ZNF496: variants seen among roughly 807,000 people sequenced by gnomAD.
ZNF496 encodes NSD1 (nuclear receptor binding SET-domain containing 1)-interacting zinc finger protein 1.
Under a neutral mutation model 58.9 loss-of-function variants are expected in ZNF496, and 11 were observed. That is an observed-to-expected ratio of 0.19 (90% CI 0.12 to 0.31). The LOEUF (loss-of-function observed/expected upper bound fraction) is 0.31. Ranked by LOEUF, ZNF496 falls within the 10% of genes least tolerant of loss-of-function variation. ZNF496 has a pLI of 1.00. For synonymous variants in ZNF496, 338 were observed against 318.2 expected (o/e 1.06, Z -0.66); for missense variants, 660 against 783.0 (o/e 0.84, Z 1.88).
At chr1:247,313,632 C>G (rs1659679367) in intron 6 of ZNF496, 1 of 152,296 alleles carries the variant, frequency 6.6e-6, no homozygotes, top group East Asian at 1.9e-4. Flanking sequence ...TGCACGTTAC[C>G]AACATGCCCA....
intron 6 of ZNF496, among the ~76,000 whole-genome samples, chr1:247,314,215 C>T (rs535834052): frequency 3.3e-5 from 5 of 152,096 alleles, no homozygotes; most frequent in African/African-American, 9.6e-5. Flanking sequence ...TGAGCCACCA[C>T]GCCTGGCTAA....
At position 247,309,838 on chromosome 1, in the gene ZNF496, A is replaced by G; in HGVS notation, c.785-32T>C. ...AAAGAAAAAGGCAGGGTACATGTTT[A>G]TTAGTAATCTGATCCTGCAGCAACC... On this transcript the variant is annotated intron_variant, in intron 7 of 9. Coordinates refer to ENST00000682384, the MANE Select transcript of ZNF496 (RefSeq NM_032752.3). The surrounding 1 kb of genome is among the most constrained non-coding windows in gnomAD (Gnocchi z 4.3). The G allele has an allele frequency of 1.9e-6, 3 of 1,610,442 alleles. No homozygotes were observed. Among genetic ancestry groups the G allele is most frequent in the South Asian group, 1.1e-5 (1 of 90,780 alleles).
At position 247,300,609 on chromosome 1, in the gene ZNF496, G is replaced by C. The variant is rs748532296; in HGVS notation, c.1674C>G (p.Cys558Trp). ...DKARPFQCRY[C>W]VKSFTQNYDL... ...CATAGTTCTGCGTGAAGCTCTTGAC[G>C]CAGTACCGGCACTGGAAGGGCCGGG... Residue 558 changes from cysteine (C) to tryptophan (W), a missense_variant, in exon 10 of 10, where the codon TGC (cysteine) becomes TGG (tryptophan). Coordinates refer to ENST00000682384, the MANE Select transcript of ZNF496 (RefSeq NM_032752.3). This position sits in a 1 kb window ranked among gnomAD's most constrained non-coding sequence, Gnocchi z 5.7. 6.2e-7 allele frequency: 1 copy of C among 1,614,148 alleles called. No homozygotes were observed. Among genetic ancestry groups the C allele is most frequent in the Non-Finnish European group, 8.5e-7 (1 of 1,180,038 alleles).
At position 247,309,946 on chromosome 1, in the gene ZNF496, TGGCAGTGCAGG is replaced by T; in HGVS notation, c.785-151_785-141del. ...GGGCGAGAAGTGAAAAGGCCAGAGC[TGGCAGTGCAGG>T]GGCAGTGGGGGCAGCACACGCAGGG... On this transcript the variant is annotated intron_variant, in intron 7 of 9. Transcript: ENST00000682384. This position sits in a 1 kb window ranked among gnomAD's most constrained non-coding sequence, Gnocchi z 4.3. 1.5e-6 allele frequency: 2 copies of T among 1,332,156 alleles called. No homozygotes were observed. The highest frequency in any genetic ancestry group is 3.0e-5 in the South Asian group (2 of 67,514). The allele number at this position is 1,332,156 out of a possible 1,614,324, so 82.5% of individuals were successfully genotyped here. A position where few individuals can be genotyped will look rare whatever the true frequency, so the allele number is the denominator to read the frequency against.
chr1:247,307,008 T>C (rs979058019), intron 9 of ZNF496: 1 of 796,098 alleles, frequency 1.3e-6, no homozygotes, highest in African/African-American at 1.9e-5. Context: ...AAAACAAGTA[T>C]GAGTGCAAAA....
Position 247,328,593 on chromosome 1 carries a change from C to G in ZNF496, c.574+90G>C, listed in dbSNP as rs572032219. ...CACGAGAACACTGCTGATGTAAAAG[C>G]CATCAGCTTAACAAAAACCACACCC... On this transcript the variant is annotated intron_variant, in intron 5 of 9. Coordinates refer to ENST00000682384, the MANE Select transcript of ZNF496 (RefSeq NM_032752.3). 6.0e-6 allele frequency: 8 copies of G among 1,328,732 alleles called. No individual in the cohort carries two copies. In the South Asian group the frequency reaches 1.2e-4, roughly 19 times the overall value. 82.3% of individuals were successfully genotyped at this position (1,328,732 alleles called of 1,614,324 possible). A position where few individuals can be genotyped will look rare whatever the true frequency, so the allele number is the denominator to read the frequency against.
chr1:247,330,827 C>T (rs1291634523), intron 2 of ZNF496, among the ~76,000 whole-genome samples: 1 of 152,262 alleles, frequency 6.6e-6, no homozygotes, highest in Admixed American at 6.5e-5. Flanking sequence ...ACTCCCATTT[C>T]ACAGAAAGAC....
rs537714197 is a variant in ZNF496, at chr1:247,329,348, G to C, written c.231C>G (p.Thr77=). The change falls in exon 4 of 10, where the codon ACC becomes ACG. Residue 77 remains threonine (T), a synonymous_variant. Coordinates refer to ENST00000682384, the MANE Select transcript of ZNF496 (RefSeq NM_032752.3). This position sits in a 1 kb window ranked among gnomAD's most constrained non-coding sequence, Gnocchi z 5.5. ...CCAGCAGCTCCAGAATCTGCTCCTT[G>C]GTGTGCCTCTCAGGCCGCAGCCAGC... ...CGGWLRPERH[T]KEQILELLVL... 4 of 1,613,582 alleles carry C rather than the reference G, an allele frequency of 2.5e-6. No individual in the cohort carries two copies. The South Asian group carries it at 4.4e-5, about 18-fold the overall frequency.
chr1:247,323,098 T>C, intron 6 of ZNF496, 56 bp downstream of exon 6: 1 of 1,465,638 alleles, frequency 6.8e-7, no homozygotes, highest in African/African-American at 1.4e-5. Context: ...AAAGCTGCCC[T>C]GTAGCCTACA....
intron 9 of ZNF496, among the ~76,000 whole-genome samples, chr1:247,302,167 G>T (rs1022899985): frequency 6.6e-6 from 1 of 152,182 alleles, no homozygotes; most frequent in Non-Finnish European, 1.5e-5. Context: ...AACTTGGGGG[G>T]AGTGAACCAG....
chr1:247,309,482 C>A lies in ZNF496; in HGVS notation c.892+217G>T. 7.2e-7 allele frequency: 1 copy of A among 1,396,892 alleles called. No homozygotes were observed. Among genetic ancestry groups the A allele is most frequent in the Non-Finnish European group, 9.3e-7 (1 of 1,079,900 alleles). The allele number at this position is 1,396,892 out of a possible 1,614,324, so 86.5% of individuals were successfully genotyped here. A position where few individuals can be genotyped will look rare whatever the true frequency, so the allele number is the denominator to read the frequency against. On this transcript the variant is annotated intron_variant, in intron 8 of 9. Transcript: ENST00000682384. This position sits in a 1 kb window ranked among gnomAD's most constrained non-coding sequence, Gnocchi z 4.3. ...TTCCTATTATTTCCCAGTCCTTGGC[C>A]AAGGGAGTACAATTCCAATGCCTGG...
Position 247,309,682 on chromosome 1 carries a change from C to G in ZNF496, c.892+17G>C. On this transcript the variant is annotated intron_variant, in intron 8 of 9. Transcript: ENST00000682384. This position sits in a 1 kb window ranked among gnomAD's most constrained non-coding sequence, Gnocchi z 4.3. ...TTCCCCCTACTCTGTCCACTCAGTT[C>G]TGGAATCATTACTCACCCAAGTAGG... The G allele has an allele frequency of 6.2e-7, 1 of 1,614,044 alleles. No homozygotes were observed. The highest frequency in any genetic ancestry group is 8.5e-7 in the Non-Finnish European group (1 of 1,179,982).
At position 247,308,341 on chromosome 1, in the gene ZNF496, C is replaced by T. The variant is rs1032037255; in HGVS notation, c.1006+134G>A. Reference sequence around the variant, plus strand: ...ACACACTCACACATGCAGCACACCACATATACCACATGTGTATGCACGCAC... The same window carrying T: ...ACACACTCACACATGCAGCACACCATATATACCACATGTGTATGCACGCAC... On this transcript the variant is annotated intron_variant, in intron 9 of 9. Transcript: ENST00000682384. The surrounding 1 kb of genome is among the most constrained non-coding windows in gnomAD (Gnocchi z 4.5). 7 of 811,000 alleles carry T rather than the reference C, an allele frequency of 8.6e-6. No homozygotes were observed. Among genetic ancestry groups the T allele is most frequent in the Admixed American group, 4.1e-5 (2 of 48,820 alleles). The allele number at this position is 811,000 out of a possible 1,614,324, so 50.2% of individuals were successfully genotyped here.
chr1:247,315,776 C>G (rs569958968), intron 6 of ZNF496, among the ~76,000 whole-genome samples: 1 of 152,114 alleles, frequency 6.6e-6, no homozygotes, highest in African/African-American at 2.4e-5. Context: ...AAAGAGAATA[C>G]CTCAAAAATT....
In ZNF496 at chr1:247,303,889, A is replaced by G. The variant is rs79491670; in HGVS notation, c.1007-2613T>C. On this transcript the variant is annotated intron_variant, in intron 9 of 9. Transcript: ENST00000682384. Reference sequence around the variant, plus strand: ...ATCATTTGTTAAAGAGATTCTGGGTATGATTCACGGATCCAATCAACCATC... The same window carrying G: ...ATCATTTGTTAAAGAGATTCTGGGTGTGATTCACGGATCCAATCAACCATC... 4.8e-3 allele frequency: 832 copies of G among 173,064 alleles called. 3 individuals carry two copies. Among genetic ancestry groups the G allele is most frequent in the Non-Finnish European group, 8.6e-3 (681 of 78,812 alleles). The allele number at this position is 173,064 out of a possible 1,614,324, so 10.7% of individuals were successfully genotyped here.
At position 247,300,752 on chromosome 1, in the gene ZNF496, C is replaced by G; in HGVS notation, c.1531G>C (p.Glu511Gln). ...TTGGCCTTGCCGTTTTCCAGCGGCT[C>G]TTTGGGACCCTTGTCCGCGTCCTCG... ...ASEDADKGPK[E>Q]PLENGKAKLS... The change falls in exon 10 of 10, where the codon GAG becomes CAG. Residue 511 changes from glutamate (E) to glutamine (Q), a missense_variant. Physicochemically the swap from Glu to Gln is conservative, Grantham distance 29. Transcript: ENST00000682384. This position sits in a 1 kb window ranked among gnomAD's most constrained non-coding sequence, Gnocchi z 5.7. The G allele has an allele frequency of 6.2e-7, 1 of 1,609,666 alleles. No individual in the cohort carries two copies. Among genetic ancestry groups the G allele is most frequent in the Non-Finnish European group, 8.5e-7 (1 of 1,176,656 alleles).
chr1:247,304,606 A>G (rs902069184), intron 9 of ZNF496, among the ~76,000 whole-genome samples: 1 of 152,110 alleles, frequency 6.6e-6, no homozygotes, highest in African/African-American at 2.4e-5. Flanking sequence ...TACTGACCTC[A>G]GGTGATCCGC....
In ZNF496 at chr1:247,329,292, C is replaced by T. The variant is rs776485451; in HGVS notation, c.287G>A (p.Arg96Gln). 15 of 1,613,502 alleles carry T rather than the reference C, an allele frequency of 9.3e-6. No individual in the cohort carries two copies. The highest frequency in any genetic ancestry group is 4.4e-5 in the South Asian group (4 of 91,088). The change falls in exon 4 of 10, where the codon CGG (arginine) becomes CAG (glutamine). Residue 96 changes from arginine to glutamine, a missense_variant. Physicochemically the swap from Arg to Gln is conservative, Grantham distance 43. Transcript: ENST00000682384. The surrounding 1 kb of genome is among the most constrained non-coding windows in gnomAD (Gnocchi z 5.5). ...VLEQFLAILP[R>Q]EIQSWVRAQE... Reference sequence around the variant, plus strand: ...CGCCCGCACCCAGCTCTGGATCTCCCGGGGCAGGATGGCCAGGAACTGCTC... The same window carrying T: ...CGCCCGCACCCAGCTCTGGATCTCCTGGGGCAGGATGGCCAGGAACTGCTC...
rs536246076 is a variant in ZNF496, at chr1:247,330,609, T to C, written c.-153-528A>G. On this transcript the variant is annotated intron_variant, in intron 2 of 9. Coordinates refer to ENST00000682384, the MANE Select transcript of ZNF496 (RefSeq NM_032752.3). ...AGGGTGGCAAGAGACCAGCAACCAG[T>C]ATACCTGGTGTTTATGATTCCCACT... 3.9e-5 allele frequency among the ~76,000 whole-genome samples: 6 copies of C among 152,290 alleles called. No homozygotes were observed. In the South Asian group the frequency reaches 1.2e-3, roughly 32 times the overall value.
Sources: allele counts gnomAD v4.1 joint callset (sites outside exome capture counted in the v4.1 genomes callset), GRCh38; gene constraint gnomAD v4.1.1; non-coding constraint Gnocchi (gnomAD v3.1); transcripts MANE v1.5; gene names NCBI Gene and HGNC (gene_info 2026-07-23, HGNC 2026-07-21).